Variants in COL27A1 observed in about 807,000 individuals in gnomAD.
COL27A1 encodes collagen type XXVII alpha 1 chain, also known as collagen alpha-1(XXVII) chain.
A neutral mutation model predicts 251.3 loss-of-function variants in COL27A1; 106 were observed. The observed-to-expected ratio is 0.42, with a 90% CI of 0.36 to 0.50. The LOEUF is 0.50. COL27A1 is among the 20% of genes least tolerant of loss of function. The pLI is 0.00. For missense variants in COL27A1, 2,325 were observed against 2,522.8 expected (o/e 0.92, Z 1.68); for synonymous variants, 1,000 against 986.3 (o/e 1.01, Z -0.26).
intron 41 of COL27A1, among the ~76,000 whole-genome samples, chr9:114,285,020 C>T (rs553079379): frequency 2.0e-5 from 3 of 152,356 alleles, no homozygotes; most frequent in South Asian, 4.1e-4. Context: ...CGAAAACATG[C>T]AATCCCTGCC....
chr9:114,302,387 C>A (rs1489820245), intron 56 of COL27A1, among the ~76,000 whole-genome samples: 3 of 152,164 alleles, frequency 2.0e-5, no homozygotes, highest in African/African-American at 7.2e-5. Context: ...GTACTCCATA[C>A]ACGTGGGCTG....
intron 2 of COL27A1, among the ~76,000 whole-genome samples, chr9:114,164,017 C>T (rs1848668965): frequency 1.3e-5 from 2 of 152,114 alleles, no homozygotes; most frequent in African/African-American, 2.4e-5. Context: ...GGATGTGTCT[C>T]CACCCTGCTT....
At chr9:114,182,608 G>T (rs936526802) in intron 4 of COL27A1, among the ~76,000 whole-genome samples, 36 of 152,166 alleles carry the variant, frequency 2.4e-4, no homozygotes, top group Admixed American at 2.2e-3. Flanking sequence ...AAGCTGGGAA[G>T]GGCTGACGGG....
intron 24 of COL27A1, among the ~76,000 whole-genome samples, chr9:114,248,685 CA>C (rs553951262): frequency 1.2e-4 from 19 of 152,254 alleles, no homozygotes; most frequent in African/African-American, 4.3e-4. Flanking sequence ...GGGGGGGTCC[CA>C]GGGGTGCGGG....
In COL27A1 at chr9:114,290,001, C is replaced by G; in HGVS notation, c.4207-57C>G. 3 of 1,585,008 alleles carry G rather than the reference C, an allele frequency of 1.9e-6. No homozygotes were observed. The highest frequency in any genetic ancestry group is 2.6e-6 in the Non-Finnish European group (3 of 1,156,154). ...CCTCTCAGTCCCTCCTTCCAGAGCC[C>G]CTAGGGTCCCACACCTCTACCAGGC... On this transcript the variant is annotated intron_variant, in intron 45 of 60. Coordinates refer to ENST00000356083, the MANE Select transcript of COL27A1 (RefSeq NM_032888.4). The surrounding 1 kb of genome is among the most constrained non-coding windows in gnomAD (Gnocchi z 4.6).
At chr9:114,250,259 G>T (rs1431793329) in intron 24 of COL27A1, among the ~76,000 whole-genome samples, 2 of 152,234 alleles carry the variant, frequency 1.3e-5, no homozygotes, top group Non-Finnish European at 2.9e-5. Flanking sequence ...AGCCCCGAAA[G>T]ATGGGCACAG....
chr9:114,162,305 G>A lies in COL27A1; in HGVS notation c.63-410G>A, dbSNP rs141841441. ...GTCTGGGGAAGGGTCTAAAGATCAT[G>A]AGGCTGTAGTACAGATGGGGAGACT... On this transcript the variant is annotated intron_variant, in intron 1 of 60. Coordinates refer to ENST00000356083, the MANE Select transcript of COL27A1 (RefSeq NM_032888.4). 1.5e-3 allele frequency among the ~76,000 whole-genome samples: 225 copies of A among 152,340 alleles called. 2 individuals carry two copies. The South Asian group carries it at 0.026, about 18-fold the overall frequency.
chr9:114,281,463 G>A (rs1448904455), intron 37 of COL27A1, among the ~76,000 whole-genome samples: 1 of 152,232 alleles, frequency 6.6e-6, no homozygotes, highest in Non-Finnish European at 1.5e-5. Context: ...GCCCTGTGGG[G>A]CAGGGGCAGA....
At chr9:114,225,045 A>G (rs1205343093) in intron 14 of COL27A1, among the ~76,000 whole-genome samples, 1 of 152,236 alleles carries the variant, frequency 6.6e-6, no homozygotes, top group East Asian at 1.9e-4. Flanking sequence ...CAATATTTAG[A>G]ACACATTTAT....
chr9:114,165,227 C>A (rs774513557), intron 2 of COL27A1, among the ~76,000 whole-genome samples: 17 of 152,270 alleles, frequency 1.1e-4, no homozygotes, highest in Non-Finnish European at 2.2e-4. Flanking sequence ...TGCTATAGAA[C>A]CATTATAACA....
intron 2 of COL27A1, among the ~76,000 whole-genome samples, chr9:114,163,338 A>G (rs1460486699): frequency 6.6e-6 from 1 of 151,666 alleles, no homozygotes; most frequent in Non-Finnish European, 1.5e-5. Flanking sequence ...GCAAAATTTG[A>G]GTAAGTTACT....
At chr9:114,289,887 G>T (rs1233552566) in intron 45 of COL27A1, among the ~76,000 whole-genome samples, 171 bp from the exon 46 acceptor site, 2 of 152,194 alleles carry the variant, frequency 1.3e-5, no homozygotes, top group Non-Finnish European at 2.9e-5. Context: ...AGCCCCAGGA[G>T]GTTCCAAGGC....
chr9:114,267,451 A>G, intron 33 of COL27A1, 53 bp from the exon 34 acceptor site: 1 of 1,528,006 alleles, frequency 6.5e-7, no homozygotes, highest in Non-Finnish European at 8.9e-7. Flanking sequence ...CCCCTTGCTT[A>G]CAACCAGGGG....
In COL27A1 at chr9:114,266,633, C is replaced by T. The variant is rs745726215; in HGVS notation, c.3447+15C>T. On this transcript the variant is annotated intron_variant, in intron 33 of 60. Coordinates refer to ENST00000356083, the MANE Select transcript of COL27A1 (RefSeq NM_032888.4). ...TGGGACCCAAGGTGAGTGTGAGAGA[C>T]CCTTATTCGTCCCATGATGCTGCTG... 3.1e-6 allele frequency: 5 copies of T among 1,611,836 alleles called. No individual in the cohort carries two copies. In the South Asian group the frequency reaches 5.5e-5, roughly 18 times the overall value.
At chr9:114,200,809 G>T (rs1829513788) in intron 7 of COL27A1, among the ~76,000 whole-genome samples, 1 of 152,242 alleles carries the variant, frequency 6.6e-6, no homozygotes, top group Non-Finnish European at 1.5e-5. Context: ...CCAGTCTGGG[G>T]TGTGGGCTGC....
intron 48 of COL27A1, among the ~76,000 whole-genome samples, chr9:114,291,727 C>T (rs1165510567): frequency 2.0e-5 from 3 of 152,020 alleles, no homozygotes; most frequent in Admixed American, 6.5e-5. Flanking sequence ...CCAGCCTGGG[C>T]GGCAGAGCGA....
At position 114,242,195 on chromosome 9, in the gene COL27A1, G is replaced by A. The variant is rs1186198487; in HGVS notation, c.2844G>A (p.Glu948=). 1 of 1,606,646 alleles carries A rather than the reference G, an allele frequency of 6.2e-7. No homozygotes were observed. Among genetic ancestry groups the A allele is most frequent in the Non-Finnish European group, 8.5e-7 (1 of 1,177,600 alleles). ...PRGQLGPEGD[E]GPMGPPGAPG... ...GTGTCTCCCAATTCTAGGGAGATGAGGGACCCATGGGGCCGCCAGGGGCCC... is the reference window on the plus strand; with the variant it reads ...GTGTCTCCCAATTCTAGGGAGATGAAGGACCCATGGGGCCGCCAGGGGCCC... Residue 948 remains glutamate (E), a synonymous_variant, in exon 22 of 61, where the codon GAG becomes GAA. Transcript: ENST00000356083.
At chr9:114,208,769 T>TG (rs34886551) in intron 10 of COL27A1, among the ~76,000 whole-genome samples, 1 of 151,768 alleles carries the variant, frequency 6.6e-6, no homozygotes, top group Admixed American at 6.6e-5. Flanking sequence ...AAAATGGCAC[T>TG]GGGGATGGGG....
chr9:114,163,664 C>T (rs765778837), intron 2 of COL27A1, among the ~76,000 whole-genome samples: 1 of 152,350 alleles, frequency 6.6e-6, no homozygotes, highest in East Asian at 1.9e-4. Context: ...GCAGGCAGCC[C>T]GGCACGCCGG....
Sources: allele counts gnomAD v4.1 joint callset (sites outside exome capture counted in the v4.1 genomes callset), GRCh38; gene constraint gnomAD v4.1.1; non-coding constraint Gnocchi (gnomAD v3.1); transcripts MANE v1.5; gene names NCBI Gene and HGNC (gene_info 2026-07-23, HGNC 2026-07-21).